PIEZO1: variants seen among roughly 807,000 people sequenced by gnomAD.
The protein encoded by PIEZO1 is piezo type mechanosensitive ion channel component 1 (Er blood group).
Under a neutral mutation model 297.2 loss-of-function variants are expected in PIEZO1, and 296 were observed. The ratio of observed to expected loss-of-function variants is 1.00; its 90% CI spans 0.91 to 1.10. PIEZO1 has a LOEUF of 1.10. Ranked by LOEUF, PIEZO1 falls within the 50% of genes least tolerant of loss-of-function variation. The pLI, the probability that PIEZO1 is intolerant of heterozygous loss-of-function variation, is 0.00. For missense variants in PIEZO1, 5,018 were observed against 3,455.5 expected, an observed-to-expected ratio of 1.45 and a Z score of -11.34; for synonymous variants, 2,427 against 1,507.5, an observed-to-expected ratio of 1.61 and a Z score of -14.13.
chr16:88,738,032 G>C lies in PIEZO1; in HGVS notation c.922C>G (p.Leu308Val). The C allele has an allele frequency of 2.0e-6, 3 of 1,535,770 alleles. No individual in the cohort carries two copies. The highest frequency in any genetic ancestry group is 2.6e-6 in the Non-Finnish European group (3 of 1,146,810). The change falls in exon 8 of 51, where the codon CTG (leucine) becomes GTG (valine). Residue 308 changes from leucine (L) to valine (V), a missense_variant. Leu to Val is a conservative substitution (Grantham distance 32). Coordinates refer to ENST00000301015, the MANE Select transcript of PIEZO1 (RefSeq NM_001142864.4). The part of the protein sequence containing the change: ...SPHALVLNTG[L>V]DWPVYASPGV... ...GGGCTGGCATACACAGGCCAGTCCA[G>C]GCCGGTGTTGAGGACCAGCGCGTGG...
At chr16:88,738,807 C>A (rs1167922899) in intron 5 of PIEZO1, 71 bp from the exon 6 acceptor site, 2 of 1,394,722 alleles carry the variant, frequency 1.4e-6, no homozygotes, top group Non-Finnish European at 1.9e-6. Context: ...CCACACCTGC[C>A]CAGCCAGGAG....
At chr16:88,743,097 A>T in intron 2 of PIEZO1, 1 of 456,550 alleles carries the variant, frequency 2.2e-6, no homozygotes, top group South Asian at 1.5e-5. Flanking sequence ...CGGCAGCACC[A>T]TCTGGTTGCC....
intron 40 of PIEZO1, 21 bp downstream of exon 40, chr16:88,720,595 C>A (rs775467751): frequency 2.0e-6 from 3 of 1,536,242 alleles, no homozygotes. Flanking sequence ...TCCCCAGCTG[C>A]CCCCGGCCGC....
At chr16:88,724,562 C>T (rs536667523) in intron 30 of PIEZO1, among the ~76,000 whole-genome samples, 2 of 148,926 alleles carry the variant, frequency 1.3e-5, no homozygotes, top group East Asian at 2.0e-4. Flanking sequence ...TGGAGTGGGG[C>T]ACATGCTTGT....
intron 44 of PIEZO1, chr16:88,718,556 A>G (rs4433802): frequency 0.92 from 140,063 of 152,394 alleles, 64,463 homozygotes; most frequent in African/African-American, 0.97. Context: ...CATGCTGAGC[A>G]AGGAAAGCTG....
rs987971305 is a variant in PIEZO1 at position 88,722,010 on chromosome 16, C to T, written c.5012G>A (p.Arg1671Gln). The T allele has an allele frequency of 7.4e-5, 115 of 1,548,680 alleles. No homozygotes were observed. The highest frequency in any genetic ancestry group is 1.2e-4 in the Admixed American group (6 of 50,988). ...EAELFAEGQG[R>Q]ALRLLRAVYQ... The stretch of plus-strand genomic sequence containing the variant: ...CACGGCCCGCAGCAGCCGCAGCGCC[C>T]GGCCCTGCCCCTCCGCAAACAGCTC... The change falls in exon 37 of 51, where the codon CGG (arginine) becomes CAG (glutamine). Residue 1671 changes from arginine to glutamine, a missense_variant. Physicochemically the swap from Arg to Gln is conservative, Grantham distance 43 (BLOSUM62 1). Coordinates refer to ENST00000301015, the MANE Select transcript of PIEZO1 (RefSeq NM_001142864.4).
At chr16:88,776,817 G>A (rs899159685) in intron 1 of PIEZO1, among the ~76,000 whole-genome samples, 8 of 152,172 alleles carry the variant, frequency 5.3e-5, no homozygotes, top group East Asian at 1.9e-4. Context: ...GAGCCTGTAC[G>A]TCCTCATGTG....
At chr16:88,718,378 A>G (rs541183592) in intron 44 of PIEZO1, 53 of 152,838 alleles carry the variant, frequency 3.5e-4, no homozygotes, top group Non-Finnish European at 7.0e-4. Flanking sequence ...GCGTGCAGCC[A>G]CAGGACCAGG....
intron 1 of PIEZO1, among the ~76,000 whole-genome samples, chr16:88,761,952 ACT>A (rs1906952794): frequency 6.6e-6 from 1 of 151,922 alleles, no homozygotes; most frequent in Admixed American, 6.6e-5. Context: ...CAATCCCCTG[ACT>A]CTCTGCGCAG....
intron 1 of PIEZO1, among the ~76,000 whole-genome samples, chr16:88,769,641 T>A (rs1328403659): frequency 6.6e-6 from 1 of 152,156 alleles, no homozygotes; most frequent in Non-Finnish European, 1.5e-5. Flanking sequence ...ACCTGCAGCC[T>A]CCAGTCAGCA....
At chr16:88,740,188 G>A (rs1246523688) in intron 5 of PIEZO1, 1 of 152,288 alleles carries the variant, frequency 6.6e-6, no homozygotes, top group Non-Finnish European at 1.5e-5. Context: ...TTGCCCATAT[G>A]TGGGAGTGAG....
chr16:88,736,967 G>A (rs942604993), intron 10 of PIEZO1: 2 of 442,570 alleles, frequency 4.5e-6, no homozygotes, highest in Non-Finnish European at 8.1e-6. Context: ...TTCCTTGAAA[G>A]GGTGGGAAAG....
In PIEZO1 at chr16:88,722,995, C is replaced by A; in HGVS notation, c.4510G>T (p.Val1504Leu). The change falls in exon 34 of 51, where the codon GTG (valine) becomes TTG (leucine). Residue 1504 changes from valine (V) to leucine (L), a missense_variant. By Grantham distance (32) the Val-to-Leu change is conservative. Transcript: ENST00000301015. ...EEAAAGRSHV[V>L]QRVLSTAQFL... The stretch of plus-strand genomic sequence containing the variant: ...TGCGCCGTGCTCAGCACCCTCTGCA[C>A]CACATGGCTCCGGCCTGCGGGAGGG... 1 of 1,547,580 alleles carries A rather than the reference C, an allele frequency of 6.5e-7. No individual in the cohort carries two copies. The highest frequency in any genetic ancestry group is 8.7e-7 in the Non-Finnish European group (1 of 1,146,520).
In PIEZO1 at chr16:88,720,764, G is replaced by A. The variant is rs958274832; in HGVS notation, c.5669-16C>T. ...TCCTCAGCTTCTGTAGGGAAAAGCT[G>A]ACTTCTGCCTGGGCCCCCTGGGGAC... On this transcript the variant is annotated splice_polypyrimidine_tract_variant and intron_variant, in intron 39 of 50. Coordinates refer to ENST00000301015, the MANE Select transcript of PIEZO1 (RefSeq NM_001142864.4). 5.4e-6 allele frequency: 8 copies of A among 1,471,246 alleles called. No individual in the cohort carries two copies. Among genetic ancestry groups the A allele is most frequent in the African/African-American group, 4.3e-5 (3 of 70,132 alleles). 91.1% of individuals were successfully genotyped at this position (1,471,246 alleles called of 1,614,324 possible). A position where few individuals can be genotyped will look rare whatever the true frequency, so the allele number is the denominator to read the frequency against.
rs570798649 is a variant in PIEZO1 at position 88,764,479 on chromosome 16, G to A, written c.65-15000C>T. Reference sequence around the variant, plus strand: ...TCGACATTCCCCTGCCAGGCCGGGCGCGGTGGCTCACACCTGTAATGCCAA... The same window carrying A: ...TCGACATTCCCCTGCCAGGCCGGGCACGGTGGCTCACACCTGTAATGCCAA... On this transcript the variant is annotated intron_variant, in intron 1 of 50. Transcript: ENST00000301015. Among the ~76,000 whole-genome samples, 780 of 152,112 alleles carry A rather than the reference G, an allele frequency of 5.1e-3. 8 individuals carry two copies. Among genetic ancestry groups the A allele is most frequent in the Non-Finnish European group, 9.0e-3 (613 of 67,986 alleles).
chr16:88,724,029 C>T, intron 30 of PIEZO1, 58 bp from the exon 31 acceptor site: 1 of 1,061,850 alleles, frequency 9.4e-7, no homozygotes. Context: ...CCAGCCAGAC[C>T]CCCTCCGCCT....
At chr16:88,768,595 G>A (rs1391656015) in intron 1 of PIEZO1, among the ~76,000 whole-genome samples, 1 of 152,230 alleles carries the variant, frequency 6.6e-6, no homozygotes, top group East Asian at 1.9e-4. Flanking sequence ...CAGGTTGTGG[G>A]CGGGGGCTCC....
At chr16:88,720,035 C>G (rs1330010704) in intron 42 of PIEZO1, 34 bp downstream of exon 42, 4 of 1,549,494 alleles carry the variant, frequency 2.6e-6, no homozygotes, top group Non-Finnish European at 2.6e-6. Context: ...CTGCCCCGCC[C>G]CTGGAGACCG....
chr16:88,784,799 G>C, intron 1 of PIEZO1, 102 bp downstream of exon 1: 1 of 830,692 alleles, frequency 1.2e-6, no homozygotes, highest in Non-Finnish European at 1.7e-6. Context: ...GCGCCCGCTC[G>C]CCCGCAGCCC....
Sources: allele counts gnomAD v4.1 joint callset (sites outside exome capture counted in the v4.1 genomes callset), GRCh38; gene constraint gnomAD v4.1.1; transcripts MANE v1.5; gene names NCBI Gene and HGNC (gene_info 2026-07-23, HGNC 2026-07-21).